The following LRRC4C variants were observed in gnomAD, a reference collection of about 807,000 sequenced individuals.
The protein encoded by LRRC4C is leucine rich repeat containing 4C.
In LRRC4C, 5 loss-of-function variants were observed where a neutral mutation model predicts 33.6. The observed-to-expected ratio is 0.15, with a 90% CI of 0.08 to 0.31. The LOEUF (loss-of-function observed/expected upper bound fraction) is 0.31, where lower values mean the gene tolerates loss of function less well. Among genes scored for constraint, LRRC4C ranks in the 10% least tolerant of loss-of-function variants. The pLI is 1.00. For synonymous variants in LRRC4C, 329 were observed against 302.0 expected (o/e 1.09, Z -0.93); for missense variants, 560 against 796.7 (o/e 0.70, Z 3.58).
chr11:40,148,837 C>A (rs1338341305), intron 5 of LRRC4C, among the ~76,000 whole-genome samples: 1 of 152,028 alleles, frequency 6.6e-6, no homozygotes, highest in Non-Finnish European at 1.5e-5. Flanking sequence ...GTCTTTAATC[C>A]ATCTTGAGTT....
At chr11:41,017,734 A>C (rs1015033257) in intron 1 of LRRC4C, among the ~76,000 whole-genome samples, 1 of 150,854 alleles carries the variant, frequency 6.6e-6, no homozygotes, top group East Asian at 1.9e-4. Context: ...TGCTCTATAT[A>C]GAATAATCTT....
rs1405414496 is a variant in LRRC4C, at chr11:40,646,028, A to C, written c.-270+2114T>G. ...GTAATTACTACCTTTATGATTCCTC[A>C]GTGTTTTTTTTTTTTTTGCCTTTAT... On this transcript the variant is annotated intron_variant, in intron 3 of 6. Coordinates refer to ENST00000528697, the MANE Select transcript of LRRC4C (RefSeq NM_001258419.2). Among the ~76,000 whole-genome samples, 3 of 92,334 alleles carry C rather than the reference A, an allele frequency of 3.2e-5. No individual in the cohort carries two copies. In the East Asian group the frequency reaches 1.1e-3, roughly 34 times the overall value. 60.6% of individuals were successfully genotyped at this position (92,334 alleles called of 152,430 possible).
At chr11:41,272,903 AGCAATT>A (rs1296455097) in intron 1 of LRRC4C, among the ~76,000 whole-genome samples, 1 of 152,108 alleles carries the variant, frequency 6.6e-6, no homozygotes, top group East Asian at 1.9e-4. Context: ...AGCTGCATGA[AGCAATT>A]AAGAGTCACA....
rs185375901 is a variant in LRRC4C at position 40,896,884 on chromosome 11, A to G, written c.-407+36751T>C. ...TGCCACCTCACTTCACTGATATCAC[A>G]GAAGTGAGATAGATACATCTAATTC... On this transcript the variant is annotated intron_variant, in intron 2 of 6. Transcript: ENST00000528697. Among the ~76,000 whole-genome samples the G allele has an allele frequency of 3.2e-3, 490 of 152,334 alleles. 3 individuals are homozygous for G. The highest frequency in any genetic ancestry group is 5.3e-3 in the Non-Finnish European group (361 of 68,024).
chr11:40,221,101 C>G (rs949050795), intron 5 of LRRC4C, among the ~76,000 whole-genome samples: 1 of 152,054 alleles, frequency 6.6e-6, no homozygotes. Context: ...GTCTCAAACT[C>G]CTGACCTCAG....
chr11:40,138,672 A>G (rs561707619), intron 6 of LRRC4C, among the ~76,000 whole-genome samples: 1 of 152,362 alleles, frequency 6.6e-6, no homozygotes, highest in South Asian at 2.1e-4. Context: ...GGTTAACTAG[A>G]AAACATAAGT....
At chr11:41,213,165 G>C (rs1190132689) in intron 1 of LRRC4C, among the ~76,000 whole-genome samples, 1 of 151,984 alleles carries the variant, frequency 6.6e-6, no homozygotes, top group African/African-American at 2.4e-5. Flanking sequence ...TTTATACTTT[G>C]GTTACTAAAA....
intron 1 of LRRC4C, among the ~76,000 whole-genome samples, chr11:41,110,781 G>A (rs1203816036): frequency 6.6e-6 from 1 of 151,944 alleles, no homozygotes; most frequent in African/African-American, 2.4e-5. Context: ...AATACACAAA[G>A]TCACAACTGG....
At chr11:40,859,031 C>A (rs1038596572) in intron 2 of LRRC4C, among the ~76,000 whole-genome samples, 41 of 152,048 alleles carry the variant, frequency 2.7e-4, no homozygotes, top group Admixed American at 2.7e-3. Context: ...ATGATTCATC[C>A]AAAGGCACCC....
At chr11:40,476,554 C>T (rs1041409270) in intron 3 of LRRC4C, among the ~76,000 whole-genome samples, 1 of 151,854 alleles carries the variant, frequency 6.6e-6, no homozygotes, top group African/African-American at 2.4e-5. Flanking sequence ...CTATGTTGGC[C>T]AGGCTGGTCT....
chr11:40,118,415 A>G (rs768231903), intron 6 of LRRC4C, among the ~76,000 whole-genome samples: 3 of 152,022 alleles, frequency 2.0e-5, no homozygotes, highest in Non-Finnish European at 4.4e-5. Flanking sequence ...ACCTCGTGGG[A>G]ATTTAAAAGG....
At chr11:40,226,762 C>T (rs1426116021) in intron 5 of LRRC4C, among the ~76,000 whole-genome samples, 1 of 152,128 alleles carries the variant, frequency 6.6e-6, no homozygotes, top group Admixed American at 6.5e-5. Flanking sequence ...CCTGAGGGGA[C>T]AGCTTAAATT....
intron 3 of LRRC4C, among the ~76,000 whole-genome samples, chr11:40,599,123 C>A (rs1389494199): frequency 6.6e-6 from 1 of 152,000 alleles, no homozygotes; most frequent in Non-Finnish European, 1.5e-5. Flanking sequence ...ACTTAGACAG[C>A]CCTTCATGTT....
At chr11:40,971,326 C>G (rs1462343383) in intron 1 of LRRC4C, among the ~76,000 whole-genome samples, 3 of 152,206 alleles carry the variant, frequency 2.0e-5, no homozygotes, top group Non-Finnish European at 4.4e-5. Flanking sequence ...GCATTCTAGC[C>G]ACTCCAGCTC....
chr11:40,774,503 C>T (rs143400778), intron 2 of LRRC4C, among the ~76,000 whole-genome samples: 161 of 152,186 alleles, frequency 1.1e-3, no homozygotes, highest in Middle Eastern at 6.8e-3. Flanking sequence ...TGAATATTTA[C>T]ATAATCTTGG....
intron 2 of LRRC4C, among the ~76,000 whole-genome samples, chr11:40,866,280 A>C (rs1954365777): frequency 6.6e-6 from 1 of 152,136 alleles, no homozygotes; most frequent in Admixed American, 6.6e-5. Flanking sequence ...AATAGAGGAA[A>C]TACAGAAAAG....
intron 1 of LRRC4C, among the ~76,000 whole-genome samples, chr11:41,064,072 T>G (rs1333687105): frequency 2.6e-5 from 4 of 152,194 alleles, no homozygotes; most frequent in Non-Finnish European, 5.9e-5. Context: ...GTTATAAACT[T>G]TAGGAATGCT....
At chr11:40,875,355 A>G (rs918225467) in intron 2 of LRRC4C, among the ~76,000 whole-genome samples, 124 of 152,320 alleles carry the variant, frequency 8.1e-4, no homozygotes, top group African/African-American at 2.8e-3. Context: ...ATTCTCAAAT[A>G]AGAAAGCAGA....
chr11:40,315,690 A>G (rs1373203402), intron 4 of LRRC4C, among the ~76,000 whole-genome samples: 1 of 151,964 alleles, frequency 6.6e-6, no homozygotes, highest in East Asian at 1.9e-4. Context: ...TCATGCCTGT[A>G]GATATGTCTT....
Sources: allele counts gnomAD v4.1 joint callset (sites outside exome capture counted in the v4.1 genomes callset), GRCh38; gene constraint gnomAD v4.1.1; transcripts MANE v1.5; gene names NCBI Gene and HGNC (gene_info 2026-07-23, HGNC 2026-07-21).